BMPR2: variants seen among roughly 807,000 people sequenced by gnomAD.
BMPR2 encodes the protein bone morphogenetic protein receptor type-2.
In BMPR2, 29 loss-of-function variants were observed where a neutral mutation model predicts 100.8. That is an observed-to-expected ratio of 0.29 (90% CI 0.21 to 0.39). BMPR2 has a LOEUF of 0.39. Ranked by LOEUF, BMPR2 falls within the 10% of genes least tolerant of loss-of-function variation. The probability of loss-of-function intolerance (pLI) is 1.00; values close to 1 mark genes in which losing one functional copy is unlikely to be tolerated. For synonymous variants in BMPR2, 382 were observed against 442.3 expected (o/e 0.86, Z 1.71); for missense variants, 1,011 against 1,274.5 (o/e 0.79, Z 3.15).
chr2:202,548,098 GCGGCAACT>G (rs1688408206), intron 10 of BMPR2, among the ~76,000 whole-genome samples: 1 of 149,742 alleles, frequency 6.7e-6, no homozygotes. Context: ...AAAAAAAAAT[GCGGCAACT>G]CTTCCTCAGT....
At chr2:202,518,533 A>G (rs1351853437) in intron 5 of BMPR2, among the ~76,000 whole-genome samples, 1 of 152,196 alleles carries the variant, frequency 6.6e-6, no homozygotes, top group Non-Finnish European at 1.5e-5. Context: ...AGCTTGCCCC[A>G]TACCACTTTT....
At chr2:202,493,402 A>G (rs1260763981) in intron 3 of BMPR2, among the ~76,000 whole-genome samples, 2 of 152,252 alleles carry the variant, frequency 1.3e-5, no homozygotes, top group East Asian at 3.9e-4. Context: ...TATACCAAAA[A>G]TACTTTGAGA....
chr2:202,485,503 G>A (rs1402575150), intron 3 of BMPR2, among the ~76,000 whole-genome samples: 1 of 145,102 alleles, frequency 6.9e-6, no homozygotes, highest in African/African-American at 2.5e-5. Flanking sequence ...GCCTTCACAT[G>A]GCCTTCATCT....
intron 3 of BMPR2, among the ~76,000 whole-genome samples, chr2:202,485,770 C>T (rs768096440): frequency 4.6e-5 from 7 of 151,820 alleles, no homozygotes; most frequent in Non-Finnish European, 8.8e-5. Flanking sequence ...GTCTCAAACT[C>T]CTGACCTCAA....
At chr2:202,547,043 C>T (rs1688388555) in intron 10 of BMPR2, among the ~76,000 whole-genome samples, 1 of 152,114 alleles carries the variant, frequency 6.6e-6, no homozygotes, top group South Asian at 2.1e-4. Flanking sequence ...GCCGGGATTA[C>T]AGTCATGAGT....
chr2:202,403,134 C>G (rs1321931940), intron 1 of BMPR2, among the ~76,000 whole-genome samples: 1 of 150,824 alleles, frequency 6.6e-6, no homozygotes, highest in African/African-American at 2.4e-5. Context: ...GGCTGTCCTG[C>G]TAATTTTTGT....
intron 3 of BMPR2, chr2:202,505,329 T>C (rs935904727): frequency 3.3e-5 from 5 of 150,524 alleles, no homozygotes; most frequent in African/African-American, 9.8e-5. Context: ...GAGGACACTC[T>C]CTTAGGAGCA....
At chr2:202,482,615 T>C (rs1352992987) in intron 3 of BMPR2, among the ~76,000 whole-genome samples, 4 of 151,342 alleles carry the variant, frequency 2.6e-5, no homozygotes, top group African/African-American at 9.7e-5. Flanking sequence ...CTCGGCTCAC[T>C]GCAACCTCCG....
chr2:202,548,072 A>C (rs1262353835), intron 10 of BMPR2, among the ~76,000 whole-genome samples: 2 of 78,226 alleles, frequency 2.6e-5, no homozygotes, highest in African/African-American at 1.1e-4. Context: ...GCAACAGAGT[A>C]AGATTCCATC....
intron 10 of BMPR2, among the ~76,000 whole-genome samples, chr2:202,544,965 T>C (rs1270389603): frequency 6.6e-6 from 1 of 151,722 alleles, no homozygotes; most frequent in Non-Finnish European, 1.5e-5. Flanking sequence ...TCTCGCTTTG[T>C]TTCCCAGGCT....
intron 10 of BMPR2, among the ~76,000 whole-genome samples, chr2:202,549,940 G>T (rs1277069191): frequency 6.6e-6 from 1 of 151,848 alleles, no homozygotes; most frequent in Non-Finnish European, 1.5e-5. Context: ...GAGTCTCATT[G>T]TATCACCCAG....
intron 5 of BMPR2, among the ~76,000 whole-genome samples, chr2:202,517,241 T>G (rs992549624): frequency 2.2e-4 from 33 of 151,922 alleles, no homozygotes; most frequent in African/African-American, 7.7e-4. Context: ...AAAAAAGATT[T>G]TTTTTTGTTG....
At chr2:202,377,706 G>A (rs557979440) in intron 1 of BMPR2, among the ~76,000 whole-genome samples, 156 bp downstream of exon 1, 2 of 152,266 alleles carry the variant, frequency 1.3e-5, no homozygotes, top group Non-Finnish European at 2.9e-5. Context: ...CCTGCCCCAT[G>A]CCTTCCAGGG....
intron 8 of BMPR2, 21 bp downstream of exon 8, chr2:202,530,975 T>C: frequency 6.2e-7 from 1 of 1,613,254 alleles, no homozygotes; most frequent in South Asian, 1.1e-5. Flanking sequence ...ACAAAAGGTA[T>C]CACACTGATG....
intron 9 of BMPR2, among the ~76,000 whole-genome samples, chr2:202,539,040 G>A (rs1326793349): frequency 6.6e-6 from 1 of 152,126 alleles, no homozygotes; most frequent in Admixed American, 6.5e-5. Context: ...AAGAAAAATA[G>A]GTGAATAATG....
intron 7 of BMPR2, among the ~76,000 whole-genome samples, chr2:202,522,565 C>G (rs1365121815): frequency 6.6e-6 from 1 of 150,988 alleles, no homozygotes; most frequent in African/African-American, 2.4e-5. Context: ...TGCAGTGACT[C>G]ACATCTATAA....
chr2:202,496,341 C>T (rs1693026914), intron 3 of BMPR2, among the ~76,000 whole-genome samples: 1 of 151,988 alleles, frequency 6.6e-6, no homozygotes, highest in Non-Finnish European at 1.5e-5. Context: ...AAAAATTAGC[C>T]AGACATGGTG....
At chr2:202,429,997 T>TA (rs1165667373) in intron 1 of BMPR2, among the ~76,000 whole-genome samples, 2 of 152,268 alleles carry the variant, frequency 1.3e-5, no homozygotes, top group Non-Finnish European at 2.9e-5. Flanking sequence ...TACTGTAGAA[T>TA]ATGTGGCTTA....
Position 202,377,181 on chromosome 2 carries a change from C to T in BMPR2, c.-294C>T, listed in dbSNP as rs1212106070. On this transcript the variant is annotated 5_prime_UTR_variant, in exon 1 of 13. Transcript: ENST00000374580. ...ACGAGGGAAATAATTTGGGGGATTTCTTCTTGGCTCCCTGCTTTCCCCACA... is the reference window on the plus strand; with the variant it reads ...ACGAGGGAAATAATTTGGGGGATTTTTTCTTGGCTCCCTGCTTTCCCCACA... 6 of 591,224 alleles carry T rather than the reference C, an allele frequency of 1.0e-5. No individual in the cohort carries two copies. Among genetic ancestry groups the T allele is most frequent in the South Asian group, 2.0e-5 (1 of 49,022 alleles). The allele number at this position is 591,224 out of a possible 1,614,324, so 36.6% of individuals were successfully genotyped here. A position where few individuals can be genotyped will look rare whatever the true frequency, so the allele number is the denominator to read the frequency against.
Sources: allele counts gnomAD v4.1 joint callset (sites outside exome capture counted in the v4.1 genomes callset), GRCh38; gene constraint gnomAD v4.1.1; transcripts MANE v1.5; gene names NCBI Gene and HGNC (gene_info 2026-07-23, HGNC 2026-07-21).